FANCL: variants seen among roughly 807,000 people sequenced by gnomAD.
FANCL encodes the protein FA complementation group L, also known as E3 ubiquitin-protein ligase FANCL.
FANCL carries 69 observed loss-of-function variants against 59.4 expected under a neutral mutation model. The ratio of observed to expected loss-of-function variants is 1.16; its 90% CI spans 0.96 to 1.42. FANCL has a LOEUF of 1.42. Ranked by LOEUF, FANCL falls within the 40% of genes most tolerant of loss-of-function variation. The pLI, the probability that FANCL is intolerant of heterozygous loss-of-function variation, is 0.00. For synonymous variants in FANCL, 180 were observed against 147.1 expected (o/e 1.22, Z -1.62); for missense variants, 519 against 447.2 (o/e 1.16, Z -1.45).
intron 7 of FANCL, among the ~76,000 whole-genome samples, chr2:58,179,806 G>C (rs1296680347): frequency 6.6e-6 from 1 of 151,874 alleles, no homozygotes; most frequent in Admixed American, 6.6e-5. Flanking sequence ...TACATAATGG[G>C]AGAATATTTC....
intron 7 of FANCL, among the ~76,000 whole-genome samples, chr2:58,168,552 G>GA (rs1553437663): frequency 6.7e-6 from 1 of 149,476 alleles, no homozygotes; most frequent in Non-Finnish European, 1.5e-5. Context: ...AGCTACAGGA[G>GA]TTTTTTTTTT....
chr2:58,165,585 CAA>C (rs1259794164), intron 8 of FANCL, 137 bp downstream of exon 8: 5 of 989,960 alleles, frequency 5.1e-6, no homozygotes, highest in African/African-American at 1.7e-5. Flanking sequence ...AATGTGTAGC[CAA>C]AAAAAAGTTT....
chr2:58,189,713 C>A (rs1688740581), intron 7 of FANCL, among the ~76,000 whole-genome samples: 2 of 152,048 alleles, frequency 1.3e-5, no homozygotes, highest in Admixed American at 1.3e-4. Flanking sequence ...TAATGTCAGT[C>A]ACTTAACCAG....
chr2:58,229,720 G>A (rs1015257774), intron 3 of FANCL, 94 bp downstream of exon 3: 2 of 940,308 alleles, frequency 2.1e-6, no homozygotes, highest in Non-Finnish European at 3.4e-6. Flanking sequence ...AAACCAGTTT[G>A]TTACAACATT....
chr2:58,215,542 T>C (rs925031756), intron 5 of FANCL, among the ~76,000 whole-genome samples: 1 of 152,112 alleles, frequency 6.6e-6, no homozygotes, highest in African/African-American at 2.4e-5. Context: ...ATTGCTAAAC[T>C]GACCAGGCCT....
At chr2:58,163,610 T>A (rs573536494) in intron 8 of FANCL, 93 bp from the exon 9 acceptor site, 3 of 766,820 alleles carry the variant, frequency 3.9e-6, no homozygotes, top group Middle Eastern at 2.6e-4. Flanking sequence ...GCTACCTATT[T>A]CACTGTATAC....
rs199520335 is a variant in FANCL, at chr2:58,228,869, CT to C, written c.216+944del. Among the ~76,000 whole-genome samples the C allele has an allele frequency of 5.8e-3, 888 of 152,216 alleles. 12 individuals carry two copies. Among genetic ancestry groups the C allele is most frequent in the African/African-American group, 0.02 (838 of 41,538 alleles). The stretch of plus-strand genomic sequence containing the variant: ...CAGAGTAATAGATCTTAATATTAGA[CT>C]ACATAAACCATTTTTTCCCATGCTA... On this transcript the variant is annotated intron_variant, in intron 3 of 13. Transcript: ENST00000233741.
chr2:58,237,113 C>T (rs1194588130), intron 1 of FANCL, among the ~76,000 whole-genome samples: 1 of 152,110 alleles, frequency 6.6e-6, no homozygotes, highest in African/African-American at 2.4e-5. Context: ...GCACTCTGAA[C>T]CAATTTGACC....
chr2:58,203,249 T>C (rs1183104158), intron 6 of FANCL, among the ~76,000 whole-genome samples: 1 of 151,906 alleles, frequency 6.6e-6, no homozygotes, highest in East Asian at 1.9e-4. Context: ...CACTATAAGA[T>C]ATCAACTTTT....
chr2:58,184,073 T>A (rs950866651), intron 7 of FANCL, among the ~76,000 whole-genome samples: 1 of 152,038 alleles, frequency 6.6e-6, no homozygotes, highest in Non-Finnish European at 1.5e-5. Flanking sequence ...GAAGTAGGTA[T>A]TGCTTTCCCC....
chr2:58,217,209 TATATATACACACAC>T (rs1318106272), intron 5 of FANCL, among the ~76,000 whole-genome samples: 428 of 8,830 alleles, frequency 0.048, 3 homozygotes, highest in South Asian at 0.071. Flanking sequence ...TATATATATA[TATATATACACACAC>T]ACACACACAC....
chr2:58,231,180 C>A (rs895852431), intron 2 of FANCL, among the ~76,000 whole-genome samples: 1 of 152,104 alleles, frequency 6.6e-6, no homozygotes, highest in Non-Finnish European at 1.5e-5. Flanking sequence ...GTTGGTACGC[C>A]CCAAGGTCTT....
intron 7 of FANCL, among the ~76,000 whole-genome samples, chr2:58,197,059 T>G (rs1182698001): frequency 6.6e-6 from 1 of 151,752 alleles, no homozygotes; most frequent in Admixed American, 6.6e-5. Flanking sequence ...GTATTTTACT[T>G]ATAGCATACA....
chr2:58,191,198 C>T (rs1409087924), intron 7 of FANCL, among the ~76,000 whole-genome samples: 1 of 151,590 alleles, frequency 6.6e-6, no homozygotes, highest in East Asian at 1.9e-4. Context: ...AGGAACAAAA[C>T]ATGAGAGAAT....
chr2:58,176,400 C>G (rs1320817656), intron 7 of FANCL, among the ~76,000 whole-genome samples: 1 of 151,446 alleles, frequency 6.6e-6, no homozygotes, highest in Non-Finnish European at 1.5e-5. Flanking sequence ...CTACAGTAAC[C>G]AAAACAGCAT....
At chr2:58,215,279 T>G (rs1002301554) in intron 5 of FANCL, among the ~76,000 whole-genome samples, 1 of 152,224 alleles carries the variant, frequency 6.6e-6, no homozygotes. Flanking sequence ...ACCATTGTTA[T>G]GCTTAATTTT....
chr2:58,188,968 C>A (rs1688671485), intron 7 of FANCL, among the ~76,000 whole-genome samples: 2 of 152,082 alleles, frequency 1.3e-5, no homozygotes, highest in African/African-American at 2.4e-5. Flanking sequence ...ATGGTTGAAT[C>A]TCCAAGTAAT....
intron 7 of FANCL, among the ~76,000 whole-genome samples, chr2:58,193,551 G>GT (rs889436771): frequency 2.0e-5 from 3 of 152,020 alleles, no homozygotes; most frequent in African/African-American, 7.2e-5. Flanking sequence ...AATTTTCTTT[G>GT]TTTTGATCCC....
chr2:58,165,921 T>C (rs986527962), intron 7 of FANCL, 47 bp from the exon 8 acceptor site: 5 of 1,574,250 alleles, frequency 3.2e-6, no homozygotes, highest in Admixed American at 1.7e-5. Flanking sequence ...ACTCTACCAA[T>C]AGCAGATAAT....
Sources: gnomAD v4.1 joint callset for allele counts (sites outside exome capture counted in the v4.1 genomes callset) on GRCh38, gnomAD v4.1.1 for gene constraint, MANE v1.5 for transcripts, NCBI Gene and HGNC (gene_info 2026-07-23, HGNC 2026-07-21) for gene names.